MCEE: variants seen among roughly 807,000 people sequenced by gnomAD.
MCEE encodes the protein methylmalonyl-CoA epimerase.
In MCEE, 6 loss-of-function variants were observed where a neutral mutation model predicts 12.9. The observed-to-expected ratio is 0.47, with a 90% confidence interval of 0.26 to 0.92. The LOEUF is 0.92. MCEE is among the 40% of genes least tolerant of loss of function. The pLI, the probability that MCEE is intolerant of heterozygous loss-of-function variation, is 0.16. For synonymous variants in MCEE, 78 were observed against 77.9 expected (o/e 1.00, Z -0.01); for missense variants, 214 against 212.1 (o/e 1.01, Z -0.05).
At chr2:71,111,021 T>G (rs954655966) in intron 2 of MCEE, among the ~76,000 whole-genome samples, 1 of 152,232 alleles carries the variant, frequency 6.6e-6, no homozygotes, top group Non-Finnish European at 1.5e-5. Context: ...TAAATATTAG[T>G]ATTTATACAA....
chr2:71,109,846 A>G lies in MCEE; in HGVS notation c.*124T>C, dbSNP rs1672849351. 2 of 767,738 alleles carry G rather than the reference A, an allele frequency of 2.6e-6. No individual in the cohort carries two copies. The highest frequency in any genetic ancestry group is 4.6e-5 in the Admixed American group (2 of 43,268). The allele number at this position is 767,738 out of a possible 1,614,324, so 47.6% of individuals were successfully genotyped here. A position where few individuals can be genotyped will look rare whatever the true frequency, so the allele number is the denominator to read the frequency against. On this transcript the variant is annotated 3_prime_UTR_variant, in exon 3 of 3. Transcript: ENST00000244217. Reference sequence around the variant, plus strand: ...ATGTATATATTTTAATCTTTCTGTAATTCAGTCTTTAACTGTGAACTTTTA... The same window carrying G: ...ATGTATATATTTTAATCTTTCTGTAGTTCAGTCTTTAACTGTGAACTTTTA...
chr2:71,130,130 T>C (rs762468094), intron 1 of MCEE, 50 bp downstream of exon 1: 10 of 1,587,512 alleles, frequency 6.3e-6, no homozygotes, highest in Non-Finnish European at 8.6e-6. Context: ...CCGACCGCCG[T>C]TCCCACGCTC....
intron 2 of MCEE, among the ~76,000 whole-genome samples, chr2:71,114,037 A>C (rs1672943762): frequency 6.6e-6 from 1 of 152,182 alleles, no homozygotes; most frequent in African/African-American, 2.4e-5. Context: ...TAATCTTCAA[A>C]AGTGTTAAGG....
intron 2 of MCEE, chr2:71,110,737 C>T (rs1478920161): frequency 6.5e-6 from 1 of 153,672 alleles, no homozygotes; most frequent in African/African-American, 2.4e-5. Flanking sequence ...GCAGCCTCTT[C>T]TAAGTTATTT....
intron 2 of MCEE, chr2:71,117,422 G>C (rs1673016504): frequency 6.6e-6 from 1 of 150,394 alleles, no homozygotes; most frequent in Admixed American, 6.6e-5. Context: ...AGTTTATTGT[G>C]AAAAGCCAAA....
At chr2:71,110,273 C>T (rs1252677754) in intron 2 of MCEE, 151 bp from the exon 3 acceptor site, 1 of 720,688 alleles carries the variant, frequency 1.4e-6, no homozygotes, top group Non-Finnish European at 2.3e-6. Flanking sequence ...AAAAAATAAG[C>T]TTAAAATTTT....
At chr2:71,129,790 G>T (rs192145214) in intron 1 of MCEE, 2 of 323,860 alleles carry the variant, frequency 6.2e-6, no homozygotes, top group African/African-American at 2.1e-5. Context: ...TTTACGGAAC[G>T]TGCTCTCCTT....
At chr2:71,120,738 A>ATT (rs56309920) in intron 2 of MCEE, among the ~76,000 whole-genome samples, 1 of 144,974 alleles carries the variant, frequency 6.9e-6, no homozygotes, top group African/African-American at 2.7e-5. Context: ...GTGGTTCAAC[A>ATT]TTTTTTTTTT....
intron 1 of MCEE, chr2:71,129,858 T>C: frequency 2.1e-6 from 1 of 477,112 alleles, no homozygotes; most frequent in African/African-American, 2.0e-5. Context: ...CCGATCCGCT[T>C]CTATTTACTT....
chr2:71,125,211 A>ATATATATATATATTTTTTTTTTTT, intron 1 of MCEE, among the ~76,000 whole-genome samples: 71 of 48,564 alleles, frequency 1.5e-3, no homozygotes, highest in Non-Finnish European at 2.7e-3. Context: ...ATATATATAT[A>ATATATATATATATTTTTTTTTTTT]TTTTTTTTTT....
chr2:71,118,457 G>T (rs1460307866), intron 2 of MCEE: 1 of 150,266 alleles, frequency 6.7e-6, no homozygotes, highest in Non-Finnish European at 1.5e-5. Flanking sequence ...GTCCATTCGG[G>T]CTGTTAGAAC....
At chr2:71,125,711 ACT>A (rs1243206511) in intron 1 of MCEE, among the ~76,000 whole-genome samples, 1 of 152,082 alleles carries the variant, frequency 6.6e-6, no homozygotes, top group African/African-American at 2.4e-5. Context: ...TCCACAGATA[ACT>A]CTGCATTCCA....
Position 71,124,451 on chromosome 2 carries a change from G to C in MCEE, c.133C>G (p.Leu45Val). ...ATGGCTACATGGTTGAGTCGACCCA[G>C]GTTCCACACAGAACCTGTCACTTGA... ...LDQVTGSVWN[L>V]GRLNHVAIAV... Residue 45 changes from leucine (L) to valine (V), a missense_variant, in exon 2 of 3, where the codon CTG becomes GTG. Coordinates refer to ENST00000244217, the MANE Select transcript of MCEE (RefSeq NM_032601.4). The C allele has an allele frequency of 6.2e-7, 1 of 1,614,122 alleles. No homozygotes were observed. Among genetic ancestry groups the C allele is most frequent in the East Asian group, 2.2e-5 (1 of 44,886 alleles).
intron 1 of MCEE, among the ~76,000 whole-genome samples, chr2:71,125,980 C>G (rs1673224473): frequency 6.6e-6 from 1 of 151,864 alleles, no homozygotes; most frequent in South Asian, 2.1e-4. Context: ...TCCTGAGTAG[C>G]TGGAACCATA....
At chr2:71,122,368 C>T (rs984976082) in intron 2 of MCEE, among the ~76,000 whole-genome samples, 1 of 152,202 alleles carries the variant, frequency 6.6e-6, no homozygotes. Flanking sequence ...CTCCTGGGCT[C>T]GAGCAATCTG....
chr2:71,119,292 C>T (rs1333701411), intron 2 of MCEE, among the ~76,000 whole-genome samples: 3 of 150,364 alleles, frequency 2.0e-5, no homozygotes, highest in Non-Finnish European at 2.9e-5. Flanking sequence ...TCTATTCCTC[C>T]TTGGCTACAA....
In MCEE at chr2:71,130,211, C is replaced by A. The variant is rs760956950; in HGVS notation, c.9G>T (p.Arg3=). The change falls in exon 1 of 3, where the codon CGG becomes CGT. Residue 3 remains arginine (R), a synonymous_variant. Transcript: ENST00000244217. ...CATTCGCGGCTGCAGCCTTCAGCACCCGCGCCATTTTGGAAAGCAACCCGC... is the reference window on the plus strand; with the variant it reads ...CATTCGCGGCTGCAGCCTTCAGCACACGCGCCATTTTGGAAAGCAACCCGC... MA[R]VLKAAAANAV... is the part of the protein sequence containing the mutation. The A allele has an allele frequency of 6.2e-7, 1 of 1,607,906 alleles. No individual in the cohort carries two copies. Among genetic ancestry groups the A allele is most frequent in the East Asian group, 2.2e-5 (1 of 44,612 alleles).
intron 2 of MCEE, among the ~76,000 whole-genome samples, chr2:71,121,345 A>G (rs1283037345): frequency 1.3e-5 from 2 of 152,218 alleles, no homozygotes; most frequent in African/African-American, 4.8e-5. Flanking sequence ...CTTGTAAGTC[A>G]TGTGTCATGG....
At chr2:71,124,569 T>C in intron 1 of MCEE, 26 bp from the exon 2 acceptor site, 1 of 1,570,268 alleles carries the variant, frequency 6.4e-7, no homozygotes, top group African/African-American at 1.3e-5. Context: ...GCCATTGATA[T>C]CCTTCTTTTG....
Sources: allele counts gnomAD v4.1 joint callset (sites outside exome capture counted in the v4.1 genomes callset), GRCh38; gene constraint gnomAD v4.1.1; transcripts MANE v1.5; gene names NCBI Gene and HGNC (gene_info 2026-07-23, HGNC 2026-07-21).